CNNM2: variants seen among roughly 807,000 people sequenced by gnomAD.
CNNM2 encodes cyclin and CBS domain divalent metal cation transport mediator 2.
CNNM2 carries 12 observed loss-of-function variants against 66.9 expected under a neutral mutation model. That is an observed-to-expected ratio of 0.18 (90% CI 0.11 to 0.29). The LOEUF (loss-of-function observed/expected upper bound fraction) is 0.29, where lower values mean the gene tolerates loss of function less well. CNNM2 is among the 10% of genes least tolerant of loss of function. The pLI is 1.00. For synonymous variants in CNNM2, 557 were observed against 501.8 expected, an observed-to-expected ratio of 1.11 and a Z score of -1.47; for missense variants, 705 against 1,167.7, an observed-to-expected ratio of 0.60 and a Z score of 5.77.
At chr10:103,017,283 C>T (rs1473239614) in intron 1 of CNNM2, among the ~76,000 whole-genome samples, 4 of 152,218 alleles carry the variant, frequency 2.6e-5, no homozygotes, top group South Asian at 2.1e-4. Context: ...TGAAGACGTA[C>T]GATGGAGGAT....
At chr10:102,936,002 T>G (rs1295786330) in intron 1 of CNNM2, among the ~76,000 whole-genome samples, 1 of 151,736 alleles carries the variant, frequency 6.6e-6, no homozygotes, top group African/African-American at 2.4e-5. Flanking sequence ...TTTGTTTGTT[T>G]TTTTGGTTTT....
At chr10:103,073,573 G>T (rs1286108273) in intron 6 of CNNM2, among the ~76,000 whole-genome samples, 1 of 152,176 alleles carries the variant, frequency 6.6e-6, no homozygotes, top group Non-Finnish European at 1.5e-5. Flanking sequence ...AGAAAGAATA[G>T]AAAATGGGCC....
intron 1 of CNNM2, among the ~76,000 whole-genome samples, chr10:103,015,102 T>C (rs1590397583): frequency 2.0e-5 from 3 of 152,334 alleles, no homozygotes; most frequent in South Asian, 4.1e-4. Flanking sequence ...ACAAAAATGA[T>C]GATTACACTT....
At chr10:102,971,892 G>A (rs888342818) in intron 1 of CNNM2, among the ~76,000 whole-genome samples, 5 of 152,118 alleles carry the variant, frequency 3.3e-5, no homozygotes, top group African/African-American at 1.2e-4. Flanking sequence ...TCTTCAGTGA[G>A]ACTGAACATT....
rs997440605 is a variant in CNNM2, at chr10:103,080,959, GA to G, written c.*3780del. Reference sequence around the variant, plus strand: ...CTCTGTCATCTGAAGGCCAGCCGGGGATCTGTAGCCATCCTCGCCTTGCCTA... The same window carrying G: ...CTCTGTCATCTGAAGGCCAGCCGGGGTCTGTAGCCATCCTCGCCTTGCCTA... On this transcript the variant is annotated 3_prime_UTR_variant, in exon 8 of 8. Transcript: ENST00000369878. The G allele has an allele frequency of 2.6e-5, 4 of 152,248 alleles. No homozygotes were observed. The highest frequency in any genetic ancestry group is 9.7e-5 in the African/African-American group (4 of 41,428). The allele number at this position is 152,248 out of a possible 1,614,324, so 9.4% of individuals were successfully genotyped here. A position where few individuals can be genotyped will look rare whatever the true frequency, so the allele number is the denominator to read the frequency against.
At position 102,918,973 on chromosome 10, in the gene CNNM2, C is replaced by G; in HGVS notation, c.493C>G (p.Leu165Val). ...SDIIILPHII[L>V]NRRTSGIIEI... is the part of the protein sequence containing the mutation. ...CATCATCATCTTGCCCCACATCATT[C>G]TCAACCGCCGCACCTCGGGCATCAT... Residue 165 changes from leucine (L) to valine (V), a missense_variant, in exon 1 of 8, where the codon CTC (leucine) becomes GTC (valine). Transcript: ENST00000369878. This position sits in a 1 kb window ranked among gnomAD's most constrained non-coding sequence, Gnocchi z 4.1. 1.2e-6 allele frequency: 2 copies of G among 1,612,602 alleles called. No individual in the cohort carries two copies. Among genetic ancestry groups the G allele is most frequent in the Non-Finnish European group, 8.5e-7 (1 of 1,179,488 alleles).
chr10:103,022,360 C>T (rs1242620173), intron 1 of CNNM2, among the ~76,000 whole-genome samples: 7 of 151,954 alleles, frequency 4.6e-5, no homozygotes, highest in African/African-American at 1.4e-4. Context: ...ACTTTTTTTC[C>T]TGTGTTTAAA....
At chr10:102,932,426 T>C (rs1443921958) in intron 1 of CNNM2, among the ~76,000 whole-genome samples, 1 of 152,184 alleles carries the variant, frequency 6.6e-6, no homozygotes, top group Non-Finnish European at 1.5e-5. Context: ...GTCACAAAGA[T>C]TTATGCCTAT....
rs540643554 is a variant in CNNM2, at chr10:103,007,379, G to A, written c.1622-42328G>A. ...AAACAGGGCTCCAGAGCAGAGAACCGGTCTGACCTCAGATTTACCAGGGTG... is the reference window on the plus strand; with the variant it reads ...AAACAGGGCTCCAGAGCAGAGAACCAGTCTGACCTCAGATTTACCAGGGTG... On this transcript the variant is annotated intron_variant, in intron 1 of 7. Transcript: ENST00000369878. 6.0e-4 allele frequency among the ~76,000 whole-genome samples: 91 copies of A among 152,186 alleles called. 1 individual carries two copies. The highest frequency in any genetic ancestry group is 2.0e-3 in the African/African-American group (85 of 41,524).
At chr10:102,969,737 G>C (rs1357846145) in intron 1 of CNNM2, among the ~76,000 whole-genome samples, 1 of 151,786 alleles carries the variant, frequency 6.6e-6, no homozygotes, top group East Asian at 1.9e-4. Flanking sequence ...CTCTGCCTCT[G>C]GGTTCAAGTG....
chr10:102,925,121 A>T (rs1027715081), intron 1 of CNNM2, among the ~76,000 whole-genome samples: 4 of 151,600 alleles, frequency 2.6e-5, no homozygotes, highest in East Asian at 1.9e-4. Flanking sequence ...ACATGGAGAG[A>T]CCTTGTCTCT....
chr10:103,018,366 A>G (rs895305494), intron 1 of CNNM2, among the ~76,000 whole-genome samples: 2 of 152,156 alleles, frequency 1.3e-5, no homozygotes, highest in African/African-American at 4.8e-5. Flanking sequence ...AGAGAAAGAA[A>G]GTGTGATATG....
At position 102,918,360 on chromosome 10, in the gene CNNM2, C is replaced by A; in HGVS notation, c.-121C>A. The A allele has an allele frequency of 6.8e-7, 1 of 1,472,120 alleles. No individual in the cohort carries two copies. Among genetic ancestry groups the A allele is most frequent in the Non-Finnish European group, 9.0e-7 (1 of 1,111,628 alleles). 91.2% of individuals were successfully genotyped at this position (1,472,120 alleles called of 1,614,324 possible). On this transcript the variant is annotated 5_prime_UTR_variant, in exon 1 of 8. Coordinates refer to ENST00000369878, the MANE Select transcript of CNNM2 (RefSeq NM_017649.5). This position sits in a 1 kb window ranked among gnomAD's most constrained non-coding sequence, Gnocchi z 4.1. ...TGGCTGAGGTGGAGTCAGTGTCAGT[C>A]AGGGAGGCGAACTGCTGAGCACTGG...
chr10:102,920,172 A>C (rs1390588500), intron 1 of CNNM2, 71 bp downstream of exon 1: 59 of 1,612,486 alleles, frequency 3.7e-5, no homozygotes, highest in Non-Finnish European at 4.7e-5. Context: ...TGAGTCCTCT[A>C]CCCTCAGACC....
At position 103,089,802 on chromosome 10, in the gene CNNM2, T is replaced by C; in HGVS notation, c.*12622T>C. On this transcript the variant is annotated 3_prime_UTR_variant, in exon 8 of 8. Coordinates refer to ENST00000369878, the MANE Select transcript of CNNM2 (RefSeq NM_017649.5). Reference sequence around the variant, plus strand: ...TGACCGTGTCAGCTGGTGCCGCTTGTAGTCAGTGTCTTTGAAATCCACTGA... The same window carrying C: ...TGACCGTGTCAGCTGGTGCCGCTTGCAGTCAGTGTCTTTGAAATCCACTGA... 1.2e-6 allele frequency: 2 copies of C among 1,614,110 alleles called. No individual in the cohort carries two copies. The highest frequency in any genetic ancestry group is 1.7e-6 in the Non-Finnish European group (2 of 1,179,998).
intron 1 of CNNM2, among the ~76,000 whole-genome samples, chr10:102,954,597 G>C (rs1846966623): frequency 6.6e-6 from 1 of 152,120 alleles, no homozygotes. Context: ...TGTGGACAAT[G>C]CAAAGATGAT....
chr10:102,940,180 C>G (rs1846378552), intron 1 of CNNM2, among the ~76,000 whole-genome samples: 1 of 152,084 alleles, frequency 6.6e-6, no homozygotes, highest in Admixed American at 6.6e-5. Context: ...TCTCAAACTC[C>G]TGACCTCAAG....
chr10:102,946,099 T>C (rs1308102362), intron 1 of CNNM2, among the ~76,000 whole-genome samples: 2 of 152,188 alleles, frequency 1.3e-5, no homozygotes. Context: ...AGCAAGTCCT[T>C]CAGGAACATG....
intron 1 of CNNM2, among the ~76,000 whole-genome samples, chr10:103,047,809 A>AT (rs2065150879): frequency 6.6e-6 from 1 of 152,242 alleles, no homozygotes; most frequent in South Asian, 2.1e-4. Context: ...AATATTCAAT[A>AT]TTTTTAACAA....
Sources: allele counts gnomAD v4.1 joint callset (sites outside exome capture counted in the v4.1 genomes callset), GRCh38; gene constraint gnomAD v4.1.1; non-coding constraint Gnocchi (gnomAD v3.1); transcripts MANE v1.5; gene names NCBI Gene and HGNC (gene_info 2026-07-23, HGNC 2026-07-21).